The following MAGI2 variants were observed in gnomAD, a reference collection of about 807,000 sequenced individuals.
MAGI2 encodes membrane associated guanylate kinase, WW and PDZ domain containing 2.
MAGI2 carries 35 observed loss-of-function variants against 133.3 expected under a neutral mutation model. The observed-to-expected ratio is 0.26, with a 90% CI of 0.20 to 0.35. The LOEUF is 0.35. Among genes scored for constraint, MAGI2 ranks in the 10% least tolerant of loss-of-function variants. The pLI is 1.00. For synonymous variants in MAGI2, 729 were observed against 710.6 expected (o/e 1.03, Z -0.41); for missense variants, 1,636 against 1,863.4 (o/e 0.88, Z 2.25).
In MAGI2 at chr7:78,597,374, T is replaced by TGG. The variant is rs60023774; in HGVS notation, c.538+29744_538+29745dup. On this transcript the variant is annotated intron_variant, in intron 3 of 21. Transcript: ENST00000354212. Reference sequence around the variant, plus strand: ...AAAACAGTAAAATAAATGAATTCCTTGGGGGGGGGGGTCTTATAAATAATT... The same window carrying TGG: ...AAAACAGTAAAATAAATGAATTCCTTGGGGGGGGGGGGGTCTTATAAATAATT... Among the ~76,000 whole-genome samples the TGG allele has an allele frequency of 2.6e-3, 369 of 142,588 alleles. 2 individuals are homozygous for TGG. Among genetic ancestry groups the TGG allele is most frequent in the African/African-American group, 9.0e-3 (353 of 39,354 alleles). 93.5% of individuals were successfully genotyped at this position (142,588 alleles called of 152,430 possible).
intron 2 of MAGI2, among the ~76,000 whole-genome samples, chr7:78,883,519 A>G (rs2151550159): frequency 6.6e-6 from 1 of 152,310 alleles, no homozygotes; most frequent in Non-Finnish European, 1.5e-5. Flanking sequence ...CACAAAAACC[A>G]TTCTAAAATT....
intron 20 of MAGI2, among the ~76,000 whole-genome samples, chr7:78,111,475 G>A (rs1414425455): frequency 6.6e-6 from 1 of 152,178 alleles, no homozygotes; most frequent in Non-Finnish European, 1.5e-5. Flanking sequence ...TCAAAGTTGG[G>A]CATCTACTAG....
At chr7:79,127,992 G>T (rs1252852338) in intron 1 of MAGI2, among the ~76,000 whole-genome samples, 2 of 152,060 alleles carry the variant, frequency 1.3e-5, no homozygotes, top group African/African-American at 4.8e-5. Context: ...TGTAAGGAAG[G>T]GATCCAGTTT....
chr7:78,384,055 C>G (rs1230528210), intron 6 of MAGI2, among the ~76,000 whole-genome samples: 1 of 150,182 alleles, frequency 6.7e-6, no homozygotes, highest in Non-Finnish European at 1.5e-5. Context: ...TATTTTTGCT[C>G]AGAATTGCTT....
chr7:78,387,647 C>A (rs1450366143), intron 6 of MAGI2, among the ~76,000 whole-genome samples: 3 of 152,156 alleles, frequency 2.0e-5, no homozygotes, highest in Non-Finnish European at 2.9e-5. Flanking sequence ...TAAAAATAGA[C>A]CGGATGTAGT....
At chr7:79,187,680 TA>T (rs1827286351) in intron 1 of MAGI2, among the ~76,000 whole-genome samples, 2 of 151,980 alleles carry the variant, frequency 1.3e-5, no homozygotes, top group South Asian at 4.1e-4. Context: ...TCAATTTTAC[TA>T]AAAATTTTAC....
chr7:78,274,039 C>CT, intron 9 of MAGI2, among the ~76,000 whole-genome samples: 1 of 152,288 alleles, frequency 6.6e-6, no homozygotes, highest in African/African-American at 2.4e-5. Context: ...AATTTTCAGC[C>CT]TTTTTGCACT....
intron 1 of MAGI2, chr7:79,412,996 T>A (rs1473597889): frequency 6.6e-6 from 1 of 152,152 alleles, no homozygotes; most frequent in Non-Finnish European, 1.5e-5. Context: ...TAAAAGAATG[T>A]CAGAATACAG....
intron 6 of MAGI2, among the ~76,000 whole-genome samples, chr7:78,447,742 C>T (rs370680045): frequency 3.3e-5 from 5 of 152,190 alleles, no homozygotes; most frequent in East Asian, 1.9e-4. Context: ...AGATACAAAG[C>T]TTTTGCCATT....
chr7:78,221,671 TTAA>T (rs1167630739), intron 10 of MAGI2, among the ~76,000 whole-genome samples: 3 of 152,046 alleles, frequency 2.0e-5, no homozygotes, highest in African/African-American at 7.2e-5. Context: ...TAGAATATTA[TTAA>T]TGACAGTTAG....
At chr7:78,108,662 G>GTATACACACATATA (rs1818952417) in intron 20 of MAGI2, among the ~76,000 whole-genome samples, 4 of 124,004 alleles carry the variant, frequency 3.2e-5, no homozygotes, top group African/African-American at 5.3e-5. Flanking sequence ...GTGTGTGTGT[G>GTATACACACATATA]TGTGTGTATA....
In MAGI2 at chr7:78,787,965, A is replaced by G. The variant is rs930302766; in HGVS notation, c.419-160726T>C. On this transcript the variant is annotated intron_variant, in intron 2 of 21. Transcript: ENST00000354212. Reference sequence around the variant, plus strand: ...TTGTTCCTCAAGAAATGATTATAACATAGTCAGCTACCCTTCTCTTCATTC... The same window carrying G: ...TTGTTCCTCAAGAAATGATTATAACGTAGTCAGCTACCCTTCTCTTCATTC... 2.6e-5 allele frequency among the ~76,000 whole-genome samples: 4 copies of G among 152,250 alleles called. No homozygotes were observed. The East Asian group carries it at 7.7e-4, about 29-fold the overall frequency.
chr7:78,739,813 C>T (rs923507352), intron 2 of MAGI2, among the ~76,000 whole-genome samples: 1 of 152,114 alleles, frequency 6.6e-6, no homozygotes, highest in African/African-American at 2.4e-5. Flanking sequence ...ACGGGTTTCC[C>T]TCTTCACGTC....
intron 2 of MAGI2, among the ~76,000 whole-genome samples, chr7:78,659,895 GTA>G (rs1812745340): frequency 1.3e-5 from 2 of 152,048 alleles, no homozygotes; most frequent in Admixed American, 1.3e-4. Flanking sequence ...TTAACTGAAG[GTA>G]GTATTTAACA....
chr7:78,055,594 C>A (rs1362332387), intron 21 of MAGI2, among the ~76,000 whole-genome samples: 1 of 152,146 alleles, frequency 6.6e-6, no homozygotes, highest in African/African-American at 2.4e-5. Context: ...ACCTCCCAGA[C>A]CCTGGAACCT....
intron 1 of MAGI2, among the ~76,000 whole-genome samples, chr7:79,326,681 T>C (rs1355896466): frequency 6.6e-6 from 1 of 151,056 alleles, no homozygotes; most frequent in African/African-American, 2.4e-5. Flanking sequence ...TTTCAGATAC[T>C]ATGTATCCTG....
intron 13 of MAGI2, among the ~76,000 whole-genome samples, chr7:78,183,231 G>C (rs1227072324): frequency 6.6e-6 from 1 of 151,610 alleles, no homozygotes; most frequent in East Asian, 1.9e-4. Context: ...AAAAACATGG[G>C]GCATCTACTT....
At chr7:78,639,408 G>T (rs1055960081) in intron 2 of MAGI2, among the ~76,000 whole-genome samples, 3 of 152,160 alleles carry the variant, frequency 2.0e-5, no homozygotes, top group African/African-American at 7.2e-5. Context: ...AAGAAACAAA[G>T]AAGAGAGGGA....
At chr7:78,600,486 C>G (rs1445806010) in intron 3 of MAGI2, among the ~76,000 whole-genome samples, 1 of 152,096 alleles carries the variant, frequency 6.6e-6, no homozygotes, top group Admixed American at 6.6e-5. Context: ...GGAAAAATAA[C>G]TTATAAATTA....
Sources: gnomAD v4.1 joint callset for allele counts (sites outside exome capture counted in the v4.1 genomes callset) on GRCh38, gnomAD v4.1.1 for gene constraint, MANE v1.5 for transcripts, NCBI Gene and HGNC (gene_info 2026-07-23, HGNC 2026-07-21) for gene names.